Variants in RPH3A observed in about 807,000 individuals in gnomAD.
RPH3A encodes the protein rabphilin-3A.
Under a neutral mutation model 102.2 loss-of-function variants are expected in RPH3A, and 48 were observed. The observed-to-expected ratio is 0.47, with a 90% CI of 0.37 to 0.60. The LOEUF (loss-of-function observed/expected upper bound fraction) is 0.60. Ranked by LOEUF, RPH3A falls within the 20% of genes least tolerant of loss-of-function variation. RPH3A has a pLI of 0.00. For missense variants in RPH3A, 781 were observed against 910.1 expected (o/e 0.86, Z 1.83); for synonymous variants, 310 against 324.3 (o/e 0.96, Z 0.47).
intron 1 of RPH3A, among the ~76,000 whole-genome samples, chr12:112,678,303 A>AAGAGAGAGAGAGAGAGAG (rs772237822): frequency 6.0e-5 from 3 of 50,138 alleles, no homozygotes; most frequent in African/African-American, 2.0e-4. Context: ...GAAAGAAAGA[A>AAGAGAGAGAGAGAGAGAG]AGAGAGAGAG....
chr12:112,881,885 T>G, intron 15 of RPH3A, 39 bp downstream of exon 15: 1 of 1,552,160 alleles, frequency 6.4e-7, no homozygotes, highest in South Asian at 1.1e-5. Flanking sequence ...ACCGGGTGCA[T>G]GGGCCCTGGC....
chr12:112,645,741 C>T (rs1044287575), intron 1 of RPH3A, among the ~76,000 whole-genome samples: 1 of 152,128 alleles, frequency 6.6e-6, no homozygotes, highest in Non-Finnish European at 1.5e-5. Context: ...AGATTGCAAT[C>T]GCTTCTAGTA....
At chr12:112,815,746 T>C (rs1565897100) in intron 2 of RPH3A, among the ~76,000 whole-genome samples, 1 of 152,220 alleles carries the variant, frequency 6.6e-6, no homozygotes, top group Non-Finnish European at 1.5e-5. Context: ...TGTTTTAATA[T>C]GGAGACCTGT....
At chr12:112,769,065 G>T (rs2040910904) in intron 1 of RPH3A, among the ~76,000 whole-genome samples, 1 of 152,160 alleles carries the variant, frequency 6.6e-6, no homozygotes, top group Non-Finnish European at 1.5e-5. Context: ...TCTGTATCTT[G>T]TTCATGACTG....
intron 1 of RPH3A, among the ~76,000 whole-genome samples, chr12:112,756,217 C>T (rs117103215): frequency 1.4e-3 from 208 of 151,798 alleles, no homozygotes; most frequent in Non-Finnish European, 2.3e-3. Context: ...TCACACATCA[C>T]GCTTTTTTTT....
intron 16 of RPH3A, among the ~76,000 whole-genome samples, chr12:112,886,379 C>CTT (rs2043002469): frequency 6.6e-6 from 1 of 152,014 alleles, no homozygotes; most frequent in Non-Finnish European, 1.5e-5. Context: ...CAGGATGAAA[C>CTT]TGTTCCACCT....
At chr12:112,807,605 T>C (rs1408376642) in intron 2 of RPH3A, among the ~76,000 whole-genome samples, 1 of 152,192 alleles carries the variant, frequency 6.6e-6, no homozygotes, top group Non-Finnish European at 1.5e-5. Flanking sequence ...TTGGGTTGTT[T>C]TGGGAATTTA....
upstream of RPH3A, among the ~76,000 whole-genome samples, chr12:112,790,213 T>A (rs1318271097): frequency 2.0e-5 from 3 of 152,060 alleles, no homozygotes; most frequent in Non-Finnish European, 4.4e-5. Flanking sequence ...CACACCACCA[T>A]GCCCAGCTAT....
intron 2 of RPH3A, among the ~76,000 whole-genome samples, chr12:112,827,948 CAG>C (rs2041908144): frequency 6.6e-6 from 1 of 151,762 alleles, no homozygotes; most frequent in Admixed American, 6.6e-5. Context: ...ACAACTAAGT[CAG>C]ATGACTTGCT....
At chr12:112,594,728 A>G (rs1003964422) in intron 1 of RPH3A, among the ~76,000 whole-genome samples, 4 of 152,052 alleles carry the variant, frequency 2.6e-5, no homozygotes, top group African/African-American at 7.2e-5. Flanking sequence ...ATAATGTCCA[A>G]TGTGTGAGCT....
At chr12:112,880,950 G>C (rs1169875462) in intron 14 of RPH3A, among the ~76,000 whole-genome samples, 1 of 152,282 alleles carries the variant, frequency 6.6e-6, no homozygotes. Context: ...TCTTCATGTT[G>C]AGTAGGCTGA....
At chr12:112,859,312 A>G (rs1593092620) in intron 5 of RPH3A, among the ~76,000 whole-genome samples, 1 of 152,216 alleles carries the variant, frequency 6.6e-6, no homozygotes, top group East Asian at 1.9e-4. Context: ...ACTGGAAAAG[A>G]GGTAGGATTC....
intron 1 of RPH3A, among the ~76,000 whole-genome samples, chr12:112,663,187 C>T (rs895136818): frequency 6.6e-6 from 1 of 151,684 alleles, no homozygotes; most frequent in African/African-American, 2.4e-5. Context: ...CCCTTAGATT[C>T]TCCAATAATG....
At chr12:112,646,530 C>G (rs1254966515) in intron 1 of RPH3A, among the ~76,000 whole-genome samples, 1 of 152,186 alleles carries the variant, frequency 6.6e-6, no homozygotes, top group African/African-American at 2.4e-5. Flanking sequence ...GTTGGAGGCT[C>G]TCAGCCGGTC....
intron 10 of RPH3A, 33 bp from the exon 11 acceptor site, chr12:112,875,051 C>T: frequency 6.5e-7 from 1 of 1,549,380 alleles, no homozygotes; most frequent in Non-Finnish European, 8.8e-7. Flanking sequence ...GTGTGTGACA[C>T]ATAATGGCTG....
chr12:112,807,965 T>C lies in RPH3A; in HGVS notation c.-19+15702T>C, dbSNP rs1490979073. On this transcript the variant is annotated intron_variant, in intron 2 of 21. Transcript: ENST00000389385. ...TGTCAGCGCCACCAGAACAGGATAA[T>C]TTGACTGTTCTATTTACCACTATAT... Among the ~76,000 whole-genome samples the C allele has an allele frequency of 3.3e-5, 5 of 152,194 alleles. No homozygotes were observed. In the South Asian group the frequency reaches 8.3e-4, roughly 25 times the overall value.
chr12:112,859,606 C>A (rs922897612), intron 5 of RPH3A, among the ~76,000 whole-genome samples: 1 of 152,110 alleles, frequency 6.6e-6, no homozygotes, highest in Non-Finnish European at 1.5e-5. Flanking sequence ...AAACTCACAC[C>A]CTGTTCACAA....
At chr12:112,652,954 A>G (rs2039985578) in intron 1 of RPH3A, among the ~76,000 whole-genome samples, 1 of 152,188 alleles carries the variant, frequency 6.6e-6, no homozygotes, top group African/African-American at 2.4e-5. Flanking sequence ...ACTAGGCTGT[A>G]TGGTGTAGCC....
chr12:112,729,481 C>T (rs1039111983), intron 1 of RPH3A, among the ~76,000 whole-genome samples: 1 of 151,974 alleles, frequency 6.6e-6, no homozygotes, highest in African/African-American at 2.4e-5. Flanking sequence ...CCGCTGCACT[C>T]GGCATACAAA....
Sources: allele counts gnomAD v4.1 joint callset (sites outside exome capture counted in the v4.1 genomes callset), GRCh38; gene constraint gnomAD v4.1.1; transcripts MANE v1.5; gene names NCBI Gene and HGNC (gene_info 2026-07-23, HGNC 2026-07-21).